Variants in ZC3H6 observed in about 807,000 individuals in gnomAD.
ZC3H6 encodes zinc finger CCCH domain-containing protein 6.
ZC3H6 carries 40 observed loss-of-function variants against 107.7 expected under a neutral mutation model. The ratio of observed to expected loss-of-function variants is 0.37; its 90% CI spans 0.29 to 0.48. The LOEUF is 0.48. ZC3H6 is among the 20% of genes least tolerant of loss of function. The pLI is 0.98. For missense variants in ZC3H6, 1,267 were observed against 1,410.4 expected, an observed-to-expected ratio of 0.90 and a Z score of 1.63; for synonymous variants, 493 against 487.9, an observed-to-expected ratio of 1.01 and a Z score of -0.14.
intron 1 of ZC3H6, among the ~76,000 whole-genome samples, chr2:112,294,328 A>G (rs536095650): frequency 9.2e-5 from 14 of 152,362 alleles, no homozygotes; most frequent in African/African-American, 1.4e-4. Flanking sequence ...GAAAAATGTT[A>G]TAAGTAATCA....
rs537518995 is a variant in ZC3H6, at chr2:112,281,250, C to T, written c.32+5224C>T. Among the ~76,000 whole-genome samples the T allele has an allele frequency of 1.3e-5, 2 of 152,098 alleles. 1 individual carries two copies. Among genetic ancestry groups the T allele is most frequent in the South Asian group, 4.2e-4 (2 of 4,816 alleles). ...CCCTGATACAAGACAACAATTCAGA[C>T]CCAAGACATTTGAGGAAAGAGCATC... On this transcript the variant is annotated intron_variant, in intron 1 of 11. Coordinates refer to ENST00000409871, the MANE Select transcript of ZC3H6 (RefSeq NM_198581.3).
At chr2:112,276,220 C>G (rs1686418781) in intron 1 of ZC3H6, among the ~76,000 whole-genome samples, 194 bp downstream of exon 1, 1 of 148,480 alleles carries the variant, frequency 6.7e-6, no homozygotes. Flanking sequence ...CGCCCGCCTC[C>G]CCGAGCCGGG....
Position 112,324,959 on chromosome 2 carries a change from T to C in ZC3H6, c.1853-5T>C. On this transcript the variant is annotated splice_polypyrimidine_tract_variant and splice_region_variant and intron_variant, in intron 10 of 11. Coordinates refer to ENST00000409871, the MANE Select transcript of ZC3H6 (RefSeq NM_198581.3). ...TGACTGTCTCTCCCCATGTTATACA[T>C]GTAGATGGGATGTGGCATGGTGAAT... is the stretch of plus-strand genomic sequence containing the variant. 4 of 1,591,162 alleles carry C rather than the reference T, an allele frequency of 2.5e-6. No individual in the cohort carries two copies. Among genetic ancestry groups the C allele is most frequent in the Non-Finnish European group, 3.4e-6 (4 of 1,167,902 alleles).
chr2:112,309,957 T>C lies in ZC3H6; in HGVS notation c.409T>C (p.Tyr137His), dbSNP rs1280185213. 1.9e-6 allele frequency: 3 copies of C among 1,610,086 alleles called. No individual in the cohort carries two copies. Among genetic ancestry groups the C allele is most frequent in the African/African-American group, 1.3e-5 (1 of 74,872 alleles). Residue 137 changes from tyrosine (Y) to histidine (H), a missense_variant, in exon 4 of 12, where the codon TAT becomes CAT. Physicochemically the swap from Tyr to His is moderately conservative, Grantham distance 83. This residue lies in a region of ZC3H6 where 337 missense variants were observed against 361.2 expected (regional missense o/e 0.93). Transcript: ENST00000409871. ...QHNKKFKSKE[Y>H]DEYSTYSDDN... is the part of the protein sequence containing the mutation. Reference sequence around the variant, plus strand: ...TAACAAAAAATTTAAAAGTAAAGAATATGATGAGTACAGCACCTACAGTGA... The same window carrying C: ...TAACAAAAAATTTAAAAGTAAAGAACATGATGAGTACAGCACCTACAGTGA...
At chr2:112,289,916 T>C (rs1284552648) in intron 1 of ZC3H6, among the ~76,000 whole-genome samples, 3 of 152,060 alleles carry the variant, frequency 2.0e-5, no homozygotes, top group African/African-American at 7.2e-5. Context: ...ATTTTTGTAT[T>C]TTTTTATAGA....
intron 1 of ZC3H6, among the ~76,000 whole-genome samples, chr2:112,292,397 C>T (rs1476561492): frequency 2.0e-5 from 3 of 152,146 alleles, no homozygotes; most frequent in Non-Finnish European, 4.4e-5. Context: ...ATTTTTTGTG[C>T]CATCAGTGAA....
At chr2:112,283,774 C>T (rs202135154) in intron 1 of ZC3H6, among the ~76,000 whole-genome samples, 2 of 152,168 alleles carry the variant, frequency 1.3e-5, no homozygotes, top group Non-Finnish European at 1.5e-5. Flanking sequence ...TCATAAGGAT[C>T]GTTACTCTGG....
intron 5 of ZC3H6, among the ~76,000 whole-genome samples, chr2:112,315,936 T>G (rs182350867): frequency 1.3e-5 from 2 of 152,328 alleles, no homozygotes; most frequent in Admixed American, 1.3e-4. Flanking sequence ...CTGCATAATA[T>G]TCTACCACCT....
chr2:112,286,568 G>A (rs1686615391), intron 1 of ZC3H6: 1 of 153,258 alleles, frequency 6.5e-6, no homozygotes, highest in African/African-American at 2.4e-5. Flanking sequence ...CTCCCAAGTA[G>A]CTGGGACTAT....
At chr2:112,309,796 C>T in intron 3 of ZC3H6, 89 bp from the exon 4 acceptor site, 1 of 1,335,850 alleles carries the variant, frequency 7.5e-7, no homozygotes, top group Non-Finnish European at 1.0e-6. Context: ...TTTCTCCAAA[C>T]TTGCTGGGGG....
rs1677163606 is a variant in ZC3H6 at position 112,337,986 on chromosome 2, G to A, written c.*5498G>A. ...ATTTTTTGAGACGGAGTCTTGCTCT[G>A]TTGCCCAGGCTGGAGTGTAGTGGCA... On this transcript the variant is annotated 3_prime_UTR_variant, in exon 12 of 12. Coordinates refer to ENST00000409871, the MANE Select transcript of ZC3H6 (RefSeq NM_198581.3). 1 of 151,234 alleles carries A rather than the reference G, an allele frequency of 6.6e-6. No individual in the cohort carries two copies. Among genetic ancestry groups the A allele is most frequent in the Non-Finnish European group, 1.5e-5 (1 of 67,946 alleles). The allele number at this position is 151,234 out of a possible 1,614,324, so 9.4% of individuals were successfully genotyped here.
chr2:112,319,073 A>G (rs1558954944), intron 7 of ZC3H6, among the ~76,000 whole-genome samples: 2 of 152,208 alleles, frequency 1.3e-5, no homozygotes, highest in Non-Finnish European at 2.9e-5. Flanking sequence ...GATCATCTTT[A>G]TGTCCTGATC....
Position 112,310,236 on chromosome 2 carries a change from G to C in ZC3H6, c.613+75G>C, listed in dbSNP as rs1573958154. On this transcript the variant is annotated intron_variant, in intron 4 of 11. Transcript: ENST00000409871. ...CAGGCAGCTATGGAGTAAAAACTTA[G>C]AAACTTATCCCTGTTCAAGATTAGC... The C allele has an allele frequency of 6.4e-6, 9 of 1,405,736 alleles. No homozygotes were observed. The East Asian group carries it at 1.9e-4, about 29-fold the overall frequency. 87.1% of individuals were successfully genotyped at this position (1,405,736 alleles called of 1,614,324 possible).
intron 5 of ZC3H6, 144 bp from the exon 6 acceptor site, chr2:112,316,326 C>G: frequency 1.8e-6 from 1 of 567,212 alleles, no homozygotes; most frequent in South Asian, 2.5e-5. Context: ...TATCTCTCTC[C>G]AAATAAATGA....
At chr2:112,313,096 A>G (rs1676622720) in intron 5 of ZC3H6, among the ~76,000 whole-genome samples, 1 of 152,148 alleles carries the variant, frequency 6.6e-6, no homozygotes, top group African/African-American at 2.4e-5. Context: ...CTGCTTTTGG[A>G]GATTCTCAGT....
chr2:112,319,834 C>G (rs1676767854), intron 7 of ZC3H6, among the ~76,000 whole-genome samples: 1 of 152,082 alleles, frequency 6.6e-6, no homozygotes, highest in Non-Finnish European at 1.5e-5. Flanking sequence ...GTAATGTCAT[C>G]CTACAGAGAA....
At position 112,316,483 on chromosome 2, in the gene ZC3H6, G is replaced by A. The variant is rs1174285349; in HGVS notation, c.761G>A (p.Gly254Glu). 1.2e-6 allele frequency: 2 copies of A among 1,602,956 alleles called. No homozygotes were observed. The highest frequency in any genetic ancestry group is 1.7e-6 in the Non-Finnish European group (2 of 1,175,432). ...TTTTTCTTGCAGTATAATAAACCAG[G>A]GAAAAAATGGAAGGTTATGACTCAG... ...SDDFQEYNKP[G>E]KKWKVMTQEF... Residue 254 changes from glycine (G) to glutamate (E), a missense_variant, in exon 6 of 12, where the codon GGG becomes GAG. Gly to Glu is a moderately conservative substitution (Grantham distance 98). Around this residue, in one of 3 missense-constraint regions of ZC3H6, gnomAD observed 337 missense variants for 361.2 expected, o/e 0.93. Transcript: ENST00000409871.
At chr2:112,322,982 T>C in intron 9 of ZC3H6, 80 bp downstream of exon 9, 1 of 1,400,062 alleles carries the variant, frequency 7.1e-7, no homozygotes, top group Non-Finnish European at 9.7e-7. Context: ...TACTCCAAGC[T>C]AATCATGTAA....
chr2:112,308,517 A>G (rs1447403194), intron 3 of ZC3H6, among the ~76,000 whole-genome samples: 1 of 148,886 alleles, frequency 6.7e-6, no homozygotes, highest in Admixed American at 6.7e-5. Flanking sequence ...ACTTCCTTTC[A>G]CCTCCTGGAT....
Sources: gnomAD v4.1 joint callset for allele counts (sites outside exome capture counted in the v4.1 genomes callset) on GRCh38, gnomAD v4.1.1 for gene constraint, gnomAD v4.1.1 regional missense constraint, MANE v1.5 for transcripts, NCBI Gene and HGNC (gene_info 2026-07-23, HGNC 2026-07-21) for gene names.